The following MOCOS variants were observed in gnomAD, a reference collection of about 807,000 sequenced individuals.
The protein encoded by MOCOS is human molybdenum cofactor sulfurase.
In MOCOS, 86 loss-of-function variants were observed where a neutral mutation model predicts 83.6. That is an observed-to-expected ratio of 1.03 (90% confidence interval 0.86 to 1.23). MOCOS has a LOEUF of 1.23. Ranked by LOEUF, MOCOS falls within the 50% of genes most tolerant of loss-of-function variation. MOCOS has a pLI of 0.00. For synonymous variants in MOCOS, 445 were observed against 434.7 expected, an observed-to-expected ratio of 1.02 and a Z score of -0.29; for missense variants, 1,120 against 1,126.9, an observed-to-expected ratio of 0.99 and a Z score of 0.09.
intron 11 of MOCOS, among the ~76,000 whole-genome samples, chr18:36,254,501 TAGAGAGAGAGAGAGCGAGAGGG>T (rs2091634343): frequency 6.9e-6 from 1 of 144,650 alleles, no homozygotes; most frequent in Non-Finnish European, 1.5e-5. Flanking sequence ...TGTGTGTGTA[TAGAGAGAGAGAGAGCGAGAGGG>T]AGAGAGAGAG....
chr18:36,197,956 C>G (rs1273901331), intron 2 of MOCOS, among the ~76,000 whole-genome samples: 1 of 152,216 alleles, frequency 6.6e-6, no homozygotes, highest in East Asian at 1.9e-4. Flanking sequence ...CTTTCTGTAT[C>G]TCTACAATTC....
intron 9 of MOCOS, among the ~76,000 whole-genome samples, chr18:36,246,563 G>A (rs927766717): frequency 6.6e-6 from 1 of 152,224 alleles, no homozygotes; most frequent in Non-Finnish European, 1.5e-5. Context: ...GGAGTCCTTG[G>A]TTGTAGTTTT....
chr18:36,226,990 A>T (rs1260945317), intron 9 of MOCOS, among the ~76,000 whole-genome samples: 8 of 150,622 alleles, frequency 5.3e-5, no homozygotes, highest in African/African-American at 2.0e-4. Flanking sequence ...AGGCTCAAGC[A>T]ATCATCCCAC....
chr18:36,211,779 T>C (rs2091456554), intron 6 of MOCOS, among the ~76,000 whole-genome samples: 1 of 151,456 alleles, frequency 6.6e-6, no homozygotes, highest in Non-Finnish European at 1.5e-5. Flanking sequence ...ACTTTGACAC[T>C]CCTCCATGGA....
Position 36,270,688 on chromosome 18 carries a change from G to A in MOCOS, c.*2003G>A, listed in dbSNP as rs1446672356. On this transcript the variant is annotated 3_prime_UTR_variant, in exon 15 of 15. Coordinates refer to ENST00000261326, the MANE Select transcript of MOCOS (RefSeq NM_017947.4). ...AGATCATGCCACTGCACACCGGCCT[G>A]GTGACAGAGCAAGACTCCATCTCAA... 1.4e-5 allele frequency: 2 copies of A among 142,630 alleles called. No individual in the cohort carries two copies. The highest frequency in any genetic ancestry group is 1.4e-4 in the Admixed American group (2 of 14,200). 8.8% of individuals were successfully genotyped at this position (142,630 alleles called of 1,614,324 possible).
chr18:36,198,784 G>A, intron 3 of MOCOS, 28 bp downstream of exon 3: 1 of 1,609,650 alleles, frequency 6.2e-7, no homozygotes, highest in Non-Finnish European at 8.5e-7. Context: ...CTGCCTGACT[G>A]GGCATACCTA....
At chr18:36,218,336 C>CT (rs76451844) in intron 8 of MOCOS, among the ~76,000 whole-genome samples, 9,238 of 146,166 alleles carry the variant, frequency 0.063, 338 homozygotes, top group Admixed American at 0.11. Flanking sequence ...CCTTTTATGG[C>CT]TTTTTTTTTT....
rs142380976 is a variant in MOCOS at position 36,257,090 on chromosome 18, C to T, written c.2270+17C>T. On this transcript the variant is annotated intron_variant, in intron 12 of 14. Coordinates refer to ENST00000261326, the MANE Select transcript of MOCOS (RefSeq NM_017947.4). ...AAACACCAGGTAAGACCTCATACCT[C>T]GGGACTAGCAGACAAGCATAACCAT... 600 of 1,594,176 alleles carry T rather than the reference C, an allele frequency of 3.8e-4. 3 individuals are homozygous for T. In the African/African-American group the frequency reaches 6.2e-3, roughly 17 times the overall value.
chr18:36,261,703 T>C (rs547210979), intron 13 of MOCOS, among the ~76,000 whole-genome samples: 106 of 152,310 alleles, frequency 7.0e-4, no homozygotes, highest in Non-Finnish European at 1.2e-3. Context: ...CAATCTATAT[T>C]ATGTCCTACA....
chr18:36,187,852 C>T (rs1008006641), intron 1 of MOCOS, among the ~76,000 whole-genome samples, 171 bp downstream of exon 1: 57 of 152,342 alleles, frequency 3.7e-4, no homozygotes, highest in Middle Eastern at 3.4e-3. Flanking sequence ...TGAGGTCCCA[C>T]CTGCAGCCCC....
intron 8 of MOCOS, among the ~76,000 whole-genome samples, chr18:36,219,839 G>C (rs1396137331): frequency 1.3e-5 from 2 of 152,218 alleles, no homozygotes; most frequent in African/African-American, 2.4e-5. Context: ...GAAGGGTGGA[G>C]TGTGGACCTG....
intron 2 of MOCOS, among the ~76,000 whole-genome samples, chr18:36,197,881 C>T (rs2091395897): frequency 6.6e-6 from 1 of 152,176 alleles, no homozygotes; most frequent in Non-Finnish European, 1.5e-5. Flanking sequence ...CTGAAAAGAT[C>T]CTTCATGCCC....
chr18:36,223,037 G>T (rs1396625011), intron 9 of MOCOS, among the ~76,000 whole-genome samples: 3 of 152,196 alleles, frequency 2.0e-5, no homozygotes, highest in African/African-American at 7.2e-5. Flanking sequence ...CCATTCCACA[G>T]GTTGCCTTTT....
At chr18:36,261,193 C>G (rs762581238) in intron 13 of MOCOS, among the ~76,000 whole-genome samples, 1 of 152,018 alleles carries the variant, frequency 6.6e-6, no homozygotes, top group African/African-American at 2.4e-5. Context: ...TTTTATAATA[C>G]AGGCTGAACA....
At chr18:36,203,548 C>T (rs747596405) in intron 5 of MOCOS, among the ~76,000 whole-genome samples, 2 of 152,088 alleles carry the variant, frequency 1.3e-5, no homozygotes, top group Admixed American at 6.6e-5. Context: ...CACTGCCCCA[C>T]GGGGGAGCTC....
Position 36,265,544 on chromosome 18 carries a change from A to C in MOCOS, c.2410-1205A>C, listed in dbSNP as rs566266476. 2.0e-5 allele frequency among the ~76,000 whole-genome samples: 3 copies of C among 152,310 alleles called. No individual in the cohort carries two copies. In the South Asian group the frequency reaches 6.2e-4, roughly 32 times the overall value. Reference sequence around the variant, plus strand: ...ATGGTTATGAGAAAATAGTTTTAAGAAAATCAAGTACCTTTGCACTTTTTA... The same window carrying C: ...ATGGTTATGAGAAAATAGTTTTAAGCAAATCAAGTACCTTTGCACTTTTTA... On this transcript the variant is annotated intron_variant, in intron 13 of 14. Transcript: ENST00000261326.
At chr18:36,203,733 CT>C (rs2091423714) in intron 5 of MOCOS, among the ~76,000 whole-genome samples, 2 of 152,358 alleles carry the variant, frequency 1.3e-5, no homozygotes, top group Middle Eastern at 3.4e-3. Context: ...GGCCATTGCT[CT>C]TTTGTCACAG....
At chr18:36,255,908 C>G (rs63743360) in intron 11 of MOCOS, among the ~76,000 whole-genome samples, 2 of 136,722 alleles carry the variant, frequency 1.5e-5, no homozygotes, top group African/African-American at 5.3e-5. Flanking sequence ...TTTTTTTAGA[C>G]AGTTTTGCAG....
intron 10 of MOCOS, among the ~76,000 whole-genome samples, chr18:36,250,896 C>T (rs183602505): frequency 3.5e-4 from 54 of 152,224 alleles, no homozygotes; most frequent in African/African-American, 1.3e-3. Context: ...TTGTGGTTCT[C>T]TGTGTCAATA....
Sources: allele counts gnomAD v4.1 joint callset (sites outside exome capture counted in the v4.1 genomes callset), GRCh38; gene constraint gnomAD v4.1.1; transcripts MANE v1.5; gene names NCBI Gene and HGNC (gene_info 2026-07-23, HGNC 2026-07-21).